IQCJ: variants seen among roughly 807,000 people sequenced by gnomAD.
IQCJ encodes IQ motif containing J.
In IQCJ, 9 loss-of-function variants were observed where a neutral mutation model predicts 11.0. The observed-to-expected ratio is 0.82, with a 90% confidence interval of 0.49 to 1.43. The LOEUF is 1.43. Among genes scored for constraint, IQCJ ranks in the 40% most tolerant of loss-of-function variants. The probability of loss-of-function intolerance (pLI) is 0.00; values close to 1 mark genes in which losing one functional copy is unlikely to be tolerated. For missense variants in IQCJ, 146 were observed against 133.2 expected, an observed-to-expected ratio of 1.10 and a Z score of -0.47; for synonymous variants, 55 against 51.3, an observed-to-expected ratio of 1.07 and a Z score of -0.31.
intron 3 of IQCJ, among the ~76,000 whole-genome samples, chr3:159,253,473 A>T (rs988526968): frequency 1.3e-5 from 2 of 152,202 alleles, no homozygotes; most frequent in African/African-American, 4.8e-5. Flanking sequence ...GCCTGTTATA[A>T]TTACCTTGGA....
At chr3:159,144,113 T>C (rs1720784424) in intron 1 of IQCJ, among the ~76,000 whole-genome samples, 1 of 152,170 alleles carries the variant, frequency 6.6e-6, no homozygotes, top group Non-Finnish European at 1.5e-5. Flanking sequence ...GAACTTGGAA[T>C]TAAGTTTCAA....
In IQCJ at chr3:159,197,321, T is replaced by C. The variant is rs1056713609; in HGVS notation, c.10-48522T>C. 5.3e-5 allele frequency among the ~76,000 whole-genome samples: 8 copies of C among 152,288 alleles called. No individual in the cohort carries two copies. In the East Asian group the frequency reaches 5.8e-4, roughly 11 times the overall value. ...TTCTGCTTCTTCAAAATTTCCCACATCTGTCATTTCTCCATTGTCACTACC... is the reference window on the plus strand; with the variant it reads ...TTCTGCTTCTTCAAAATTTCCCACACCTGTCATTTCTCCATTGTCACTACC... On this transcript the variant is annotated intron_variant, in intron 1 of 3. Coordinates refer to ENST00000397832, the MANE Select transcript of IQCJ (RefSeq NM_001042706.3).
chr3:159,245,140 C>T (rs1393493037), intron 1 of IQCJ, among the ~76,000 whole-genome samples: 2 of 151,978 alleles, frequency 1.3e-5, no homozygotes, highest in Admixed American at 6.5e-5. Context: ...TGTCTGAGCA[C>T]GTGGGCTATG....
In IQCJ at chr3:159,263,115, A is replaced by AT. The variant is rs1470784127; in HGVS notation, c.*384_*385insT. 3.5e-5 allele frequency: 34 copies of AT among 982,336 alleles called. No homozygotes were observed. The highest frequency in any genetic ancestry group is 4.0e-5 in the Non-Finnish European group (33 of 825,122). 60.9% of individuals were successfully genotyped at this position (982,336 alleles called of 1,614,324 possible). Reference sequence around the variant, plus strand: ...TCACACACTCAGGGGTTGCAACTTAAATGTCTCCAGGGGCCAGGTAAGTCA... The same window carrying AT: ...TCACACACTCAGGGGTTGCAACTTAATATGTCTCCAGGGGCCAGGTAAGTCA... On this transcript the variant is annotated 3_prime_UTR_variant, in exon 4 of 4. Coordinates refer to ENST00000397832, the MANE Select transcript of IQCJ (RefSeq NM_001042706.3).
At chr3:159,221,055 C>G (rs1244430021) in intron 1 of IQCJ, among the ~76,000 whole-genome samples, 1 of 152,072 alleles carries the variant, frequency 6.6e-6, no homozygotes, top group Non-Finnish European at 1.5e-5. Context: ...AATAAGGCAG[C>G]AGAGATCAGG....
intron 1 of IQCJ, among the ~76,000 whole-genome samples, chr3:159,237,552 A>G (rs1446253998): frequency 6.6e-6 from 1 of 152,252 alleles, no homozygotes; most frequent in Non-Finnish European, 1.5e-5. Flanking sequence ...GTAATTTTTC[A>G]CCATAACAGT....
At chr3:159,179,305 T>C (rs141167936) in intron 1 of IQCJ, among the ~76,000 whole-genome samples, 60 of 152,238 alleles carry the variant, frequency 3.9e-4, no homozygotes, top group African/African-American at 1.4e-3. Context: ...TTTGGAACTA[T>C]TGGTTTTGAA....
At chr3:159,255,923 G>C (rs977633208) in intron 3 of IQCJ, among the ~76,000 whole-genome samples, 3 of 152,194 alleles carry the variant, frequency 2.0e-5, no homozygotes, top group African/African-American at 7.2e-5. Context: ...TAAGGCTAAA[G>C]ATGAATGTGT....
At chr3:159,216,589 T>A (rs1454386322) in intron 1 of IQCJ, among the ~76,000 whole-genome samples, 1 of 152,190 alleles carries the variant, frequency 6.6e-6, no homozygotes, top group African/African-American at 2.4e-5. Context: ...TTGAAAGATT[T>A]CCATTATGGT....
chr3:159,085,023 C>T lies in IQCJ; in HGVS notation c.9+15582C>T, dbSNP rs928312630. On this transcript the variant is annotated intron_variant, in intron 1 of 3. Coordinates refer to ENST00000397832, the MANE Select transcript of IQCJ (RefSeq NM_001042706.3). Reference sequence around the variant, plus strand: ...TGCTGCTGTGCTGCACCCACTAACTCGTCATCTAGCATTAGGTATATCTCC... The same window carrying T: ...TGCTGCTGTGCTGCACCCACTAACTTGTCATCTAGCATTAGGTATATCTCC... 5.3e-5 allele frequency among the ~76,000 whole-genome samples: 8 copies of T among 151,882 alleles called. No homozygotes were observed. The East Asian group carries it at 9.7e-4, about 18-fold the overall frequency.
At chr3:159,252,316 G>A (rs756177010) in intron 2 of IQCJ, among the ~76,000 whole-genome samples, 1 of 152,188 alleles carries the variant, frequency 6.6e-6, no homozygotes, top group Non-Finnish European at 1.5e-5. Flanking sequence ...CAAATGAAAG[G>A]AGGAAAGGTC....
At chr3:159,253,388 C>A (rs1445233508) in intron 3 of IQCJ, among the ~76,000 whole-genome samples, 1 of 152,072 alleles carries the variant, frequency 6.6e-6, no homozygotes, top group East Asian at 1.9e-4. Flanking sequence ...ATGAAACTAA[C>A]AAGATCCAAA....
At chr3:159,245,791 G>T in intron 1 of IQCJ, 52 bp from the exon 2 acceptor site, 2 of 1,437,064 alleles carry the variant, frequency 1.4e-6, no homozygotes, top group Non-Finnish European at 9.5e-7. Context: ...GAATAGCATT[G>T]CTCGGAAGTA....
At chr3:159,088,048 G>A (rs1716929788) in intron 1 of IQCJ, among the ~76,000 whole-genome samples, 3 of 151,754 alleles carry the variant, frequency 2.0e-5, no homozygotes, top group South Asian at 4.2e-4. Flanking sequence ...TTTCTCTTGT[G>A]GGCATTTAAT....
chr3:159,125,857 G>A (rs1038625959), intron 1 of IQCJ, among the ~76,000 whole-genome samples: 45 of 152,308 alleles, frequency 3.0e-4, no homozygotes, highest in African/African-American at 1.0e-3. Flanking sequence ...CCTCCAGTAG[G>A]AGCAGAGTCA....
chr3:159,192,786 T>C (rs1723767171), intron 1 of IQCJ, among the ~76,000 whole-genome samples: 1 of 152,192 alleles, frequency 6.6e-6, no homozygotes, highest in South Asian at 2.1e-4. Context: ...CACTACAGGT[T>C]ATTCCTTGCA....
intron 1 of IQCJ, among the ~76,000 whole-genome samples, chr3:159,173,590 C>G (rs944700068): frequency 2.6e-5 from 4 of 152,120 alleles, no homozygotes; most frequent in Non-Finnish European, 4.4e-5. Flanking sequence ...ATTATTTCCA[C>G]CCTTTCTAAT....
chr3:159,164,040 GA>G (rs1359953205), intron 1 of IQCJ, among the ~76,000 whole-genome samples: 2 of 151,910 alleles, frequency 1.3e-5, no homozygotes, highest in African/African-American at 2.4e-5. Context: ...AAGTAGTTTA[GA>G]AAAAAAATCA....
chr3:159,190,818 T>A (rs991457800), intron 1 of IQCJ, among the ~76,000 whole-genome samples: 1 of 152,324 alleles, frequency 6.6e-6, no homozygotes, highest in Admixed American at 6.5e-5. Context: ...GTAGGCTTAA[T>A]GTCAGGAGTA....
Sources: gnomAD v4.1 joint callset for allele counts (sites outside exome capture counted in the v4.1 genomes callset) on GRCh38, gnomAD v4.1.1 for gene constraint, MANE v1.5 for transcripts, NCBI Gene and HGNC (gene_info 2026-07-23, HGNC 2026-07-21) for gene names.